CFAP20DC: variants seen among roughly 807,000 people sequenced by gnomAD.
The protein encoded by CFAP20DC is CFAP20 domain containing.
CFAP20DC carries 84 observed loss-of-function variants against 101.7 expected under a neutral mutation model. The ratio of observed to expected loss-of-function variants is 0.83; its 90% CI spans 0.69 to 0.99. CFAP20DC has a LOEUF of 0.99. CFAP20DC is among the 50% of genes least tolerant of loss of function. The pLI is 0.00. For missense variants in CFAP20DC, 1,007 were observed against 970.3 expected (o/e 1.04, Z -0.50); for synonymous variants, 359 against 351.2 (o/e 1.02, Z -0.25).
chr3:58,910,795 G>C (rs1239302607), intron 6 of CFAP20DC, among the ~76,000 whole-genome samples: 1 of 150,948 alleles, frequency 6.6e-6, no homozygotes, highest in East Asian at 1.9e-4. Context: ...CTTATTTTTT[G>C]GTTTTATATC....
In CFAP20DC at chr3:58,799,482, G is replaced by GAATACACAGTGACGTAGCTAGTGT; in HGVS notation, c.2237+6889_2237+6912dup. Among the ~76,000 whole-genome samples, 1 of 152,188 alleles carries GAATACACAGTGACGTAGCTAGTGT rather than the reference G, an allele frequency of 6.6e-6. No individual in the cohort carries two copies. The highest frequency in any genetic ancestry group is 2.4e-5 in the African/African-American group (1 of 41,444). The stretch of plus-strand genomic sequence containing the variant: ...AGGTGCTCATGGGCTCCAGCTAGTG[G>GAATACACAGTGACGTAGCTAGTGT]AATACACAGTGACGTAGCTAGTGTA... On this transcript the variant is annotated intron_variant, in intron 15 of 16. Coordinates refer to ENST00000482387, the MANE Select transcript of CFAP20DC (RefSeq NM_001394063.1). This position sits in a 1 kb window ranked among gnomAD's most constrained non-coding sequence, Gnocchi z 4.9.
At chr3:58,956,460 A>G (rs948690294) in intron 4 of CFAP20DC, among the ~76,000 whole-genome samples, 27 of 152,058 alleles carry the variant, frequency 1.8e-4, no homozygotes, top group Admixed American at 6.5e-5. Flanking sequence ...TGGAAAGGGG[A>G]GAGAAGAGTG....
chr3:58,900,763 G>A (rs949421533), intron 6 of CFAP20DC, among the ~76,000 whole-genome samples: 8 of 152,146 alleles, frequency 5.3e-5, no homozygotes, highest in African/African-American at 1.7e-4. Context: ...CCCAATATGA[G>A]GTAGTGTATT....
Position 58,931,650 on chromosome 3 carries a change from A to G in CFAP20DC, c.393+5998T>C, listed in dbSNP as rs534940877. ...CTGTTCTGCAGCCACCGCTGCGGAT[A>G]CCCAGGCAAATAGGGTCTGGAGTGG... On this transcript the variant is annotated intron_variant, in intron 5 of 16. Transcript: ENST00000482387. Among the ~76,000 whole-genome samples the G allele has an allele frequency of 1.6e-4, 23 of 142,646 alleles. 1 individual carries two copies. The South Asian group carries it at 4.8e-3, about 30-fold the overall frequency. 93.6% of individuals were successfully genotyped at this position (142,646 alleles called of 152,430 possible). A position where few individuals can be genotyped will look rare whatever the true frequency, so the allele number is the denominator to read the frequency against.
intron 4 of CFAP20DC, among the ~76,000 whole-genome samples, chr3:58,981,978 C>T (rs535534550): frequency 0.021 from 3,181 of 152,150 alleles, 103 homozygotes; most frequent in African/African-American, 0.072. Context: ...GGCTAATATC[C>T]AGAATCTACA....
At chr3:58,837,442 A>G (rs1235650935) in intron 13 of CFAP20DC, among the ~76,000 whole-genome samples, 1 of 152,220 alleles carries the variant, frequency 6.6e-6, no homozygotes, top group Non-Finnish European at 1.5e-5. Context: ...TGTGGGGATA[A>G]TTAGTTGTGA....
At chr3:58,850,223 T>C (rs1278705230) in intron 12 of CFAP20DC, among the ~76,000 whole-genome samples, 1 of 152,178 alleles carries the variant, frequency 6.6e-6, no homozygotes, top group African/African-American at 2.4e-5. Flanking sequence ...TGTTATAAAA[T>C]AATACATTTA....
At chr3:59,016,844 A>C (rs1293778118) in intron 4 of CFAP20DC, among the ~76,000 whole-genome samples, 3 of 152,124 alleles carry the variant, frequency 2.0e-5, no homozygotes, top group African/African-American at 7.2e-5. Context: ...TAATAAAACA[A>C]CAACAGAAAA....
intron 15 of CFAP20DC, among the ~76,000 whole-genome samples, chr3:58,761,037 A>G (rs2069530074): frequency 6.6e-6 from 1 of 152,170 alleles, no homozygotes; most frequent in South Asian, 2.1e-4. Flanking sequence ...TATCAGGATG[A>G]TGCTGGCCTC....
chr3:58,816,040 G>C (rs1286020315), intron 14 of CFAP20DC, among the ~76,000 whole-genome samples: 1 of 151,758 alleles, frequency 6.6e-6, no homozygotes, highest in Non-Finnish European at 1.5e-5. Context: ...AAATCATGCT[G>C]CTATAAAGAC....
rs547513301 is a variant in CFAP20DC at position 58,936,477 on chromosome 3, A to G, written c.393+1171T>C. 5.0e-3 allele frequency among the ~76,000 whole-genome samples: 766 copies of G among 152,364 alleles called. 3 individuals are homozygous for G. Among genetic ancestry groups the G allele is most frequent in the Non-Finnish European group, 8.5e-3 (577 of 68,042 alleles). On this transcript the variant is annotated intron_variant, in intron 5 of 16. Coordinates refer to ENST00000482387, the MANE Select transcript of CFAP20DC (RefSeq NM_001394063.1). ...CTGCTATAAAGACACATGCACACGT[A>G]TGTTTATTGCGGCACTATTCACAAT... is the stretch of plus-strand genomic sequence containing the variant.
chr3:58,762,059 G>C (rs1156885574), intron 15 of CFAP20DC, among the ~76,000 whole-genome samples: 2 of 152,146 alleles, frequency 1.3e-5, no homozygotes, highest in Non-Finnish European at 2.9e-5. Context: ...AGGTCTGCTT[G>C]GTGCAGAGCT....
chr3:58,839,735 T>C (rs143170540), intron 13 of CFAP20DC, among the ~76,000 whole-genome samples: 20 of 152,322 alleles, frequency 1.3e-4, no homozygotes, highest in African/African-American at 3.8e-4. Context: ...CCTTAATGTC[T>C]GTCAAGTCTT....
intron 4 of CFAP20DC, among the ~76,000 whole-genome samples, chr3:58,943,533 T>C (rs2088922756): frequency 6.6e-6 from 1 of 151,976 alleles, no homozygotes. Flanking sequence ...TCAACATGAA[T>C]GAAAAGGATG....
At chr3:59,040,942 C>A (rs887586270) in intron 3 of CFAP20DC, among the ~76,000 whole-genome samples, 8 of 151,968 alleles carry the variant, frequency 5.3e-5, no homozygotes, top group Non-Finnish European at 8.8e-5. Context: ...AGATCACAGG[C>A]CTTGATCCTA....
At chr3:58,857,744 T>C (rs1036171230) in intron 12 of CFAP20DC, among the ~76,000 whole-genome samples, 22 of 152,120 alleles carry the variant, frequency 1.4e-4, no homozygotes, top group African/African-American at 5.3e-4. Flanking sequence ...CTAATTTGCA[T>C]TGGGTCAGCT....
chr3:58,720,331 C>G (rs958541188), intron 3 of CFAP20DC, among the ~76,000 whole-genome samples: 1 of 152,198 alleles, frequency 6.6e-6, no homozygotes, highest in African/African-American at 2.4e-5. Context: ...TTCCTCATCT[C>G]TCAAGTGGCT....
chr3:58,830,528 ATGT>A (rs2076326712), intron 14 of CFAP20DC, among the ~76,000 whole-genome samples: 2 of 152,190 alleles, frequency 1.3e-5, no homozygotes, highest in Admixed American at 1.3e-4. Context: ...ATCTACAAAG[ATGT>A]TGGAGACCTG....
At chr3:58,939,908 C>T (rs6446003) in intron 4 of CFAP20DC, among the ~76,000 whole-genome samples, 1 of 151,558 alleles carries the variant, frequency 6.6e-6, no homozygotes, top group African/African-American at 2.4e-5. Flanking sequence ...CTGGGATTAC[C>T]AGCGCGTGAC....
Sources: allele counts gnomAD v4.1 joint callset (sites outside exome capture counted in the v4.1 genomes callset), GRCh38; gene constraint gnomAD v4.1.1; non-coding constraint Gnocchi (gnomAD v3.1); transcripts MANE v1.5; gene names NCBI Gene and HGNC (gene_info 2026-07-23, HGNC 2026-07-21).